LINGO2: variants seen among roughly 807,000 people sequenced by gnomAD.
LINGO2 encodes the protein leucine-rich repeat and immunoglobulin-like domain-containing nogo receptor-interacting protein 2.
LINGO2 carries 14 observed loss-of-function variants against 30.6 expected under a neutral mutation model. The observed-to-expected ratio is 0.46, with a 90% CI of 0.30 to 0.72. LINGO2 has a LOEUF of 0.72. Ranked by LOEUF, LINGO2 falls within the 30% of genes least tolerant of loss-of-function variation. The pLI, the probability that LINGO2 is intolerant of heterozygous loss-of-function variation, is 0.07. For synonymous variants in LINGO2, 317 were observed against 288.5 expected (o/e 1.10, Z -1.00); for missense variants, 729 against 751.7 (o/e 0.97, Z 0.35).
chr9:28,352,209 T>C lies in LINGO2; in HGVS notation c.-246+20627A>G, dbSNP rs1186272735. On this transcript the variant is annotated intron_variant, in intron 3 of 5. Coordinates refer to ENST00000379992, the Ensembl canonical transcript of LINGO2. ...TCAGTTAGGAAAAGAGGAAGTCAAA[T>C]TGTCCCTGTTTGCAGACGAAATGAT... 2.1e-4 allele frequency among the ~76,000 whole-genome samples: 32 copies of C among 152,132 alleles called. 1 individual carries two copies. In the East Asian group the frequency reaches 4.6e-3, roughly 22 times the overall value.
At chr9:28,983,003 C>A in the LINGO2 span, among the ~76,000 whole-genome samples, 12 of 151,524 alleles carry the variant, frequency 7.9e-5, no homozygotes, top group East Asian at 2.3e-3. Context: ...TTCTCGCCTA[C>A]TTTTTCCCAA....
At chr9:28,673,442 G>C (rs951774645), upstream of LINGO2, among the ~76,000 whole-genome samples, 2 of 152,102 alleles carry the variant, frequency 1.3e-5, no homozygotes, top group African/African-American at 4.8e-5. Context: ...CGAGGTGGGT[G>C]GATCACCTGA....
the LINGO2 span, among the ~76,000 whole-genome samples, chr9:28,765,204 A>T: frequency 1.3e-5 from 2 of 152,102 alleles, no homozygotes; most frequent in Admixed American, 6.5e-5. Context: ...TTGAGAAAGA[A>T]AAACAAAATA....
the LINGO2 span, among the ~76,000 whole-genome samples, chr9:29,146,383 A>G: frequency 6.6e-6 from 1 of 151,800 alleles, no homozygotes; most frequent in African/African-American, 2.4e-5. Flanking sequence ...ACAAAAAAAA[A>G]CCAGCTAAGA....
At chr9:28,714,527 G>A in the LINGO2 span, among the ~76,000 whole-genome samples, 1 of 152,002 alleles carries the variant, frequency 6.6e-6, no homozygotes, top group Admixed American at 6.6e-5. Flanking sequence ...TGTTGAAGAT[G>A]GCAGAGCCTT....
downstream of LINGO2, chr9:27,944,061 CTTAA>C (rs1446776815): frequency 2.0e-5 from 3 of 152,110 alleles, no homozygotes; most frequent in African/African-American, 7.2e-5. Context: ...TTACAAACAT[CTTAA>C]TTATGTATTT....
At chr9:28,321,664 C>T (rs887579980) in intron 3 of LINGO2, among the ~76,000 whole-genome samples, 1 of 152,156 alleles carries the variant, frequency 6.6e-6, no homozygotes, top group Non-Finnish European at 1.5e-5. Flanking sequence ...GAAACAGAGA[C>T]TATAGGACCT....
At chr9:28,571,439 A>G (rs1201348249) in intron 1 of LINGO2, among the ~76,000 whole-genome samples, 1 of 152,036 alleles carries the variant, frequency 6.6e-6, no homozygotes, top group Non-Finnish European at 1.5e-5. Flanking sequence ...CACACATAAT[A>G]ATTATCGTTA....
chr9:28,380,403 T>TTTCC (rs1554713845), intron 2 of LINGO2, among the ~76,000 whole-genome samples: 1 of 150,368 alleles, frequency 6.7e-6, no homozygotes, highest in African/African-American at 2.4e-5. Flanking sequence ...TTTTTTTTTT[T>TTTCC]CCAATGGTAA....
At chr9:28,869,433 C>T in the LINGO2 span, among the ~76,000 whole-genome samples, 1 of 151,790 alleles carries the variant, frequency 6.6e-6, no homozygotes, top group Non-Finnish European at 1.5e-5. Context: ...AGAGGATGAA[C>T]AAGGAGTGGG....
intron 3 of LINGO2, among the ~76,000 whole-genome samples, chr9:28,359,375 A>G (rs962713976): frequency 1.3e-5 from 2 of 152,078 alleles, no homozygotes; most frequent in Admixed American, 1.3e-4. Context: ...ATTAACATCA[A>G]TCTTCTTCAT....
the LINGO2 span, among the ~76,000 whole-genome samples, chr9:29,132,137 G>T: frequency 6.6e-6 from 1 of 151,852 alleles, no homozygotes; most frequent in East Asian, 1.9e-4. Context: ...CCACAAGTCA[G>T]CATGAAGCAG....
the LINGO2 span, among the ~76,000 whole-genome samples, chr9:28,779,244 G>A: frequency 1.3e-5 from 2 of 151,930 alleles, no homozygotes; most frequent in Non-Finnish European, 2.9e-5. Flanking sequence ...TATTATTATT[G>A]ACTAATATAC....
chr9:28,633,407 G>T (rs1377232925), intron 1 of LINGO2, among the ~76,000 whole-genome samples: 1 of 151,792 alleles, frequency 6.6e-6, no homozygotes, highest in Non-Finnish European at 1.5e-5. Flanking sequence ...AGATATATGT[G>T]GTGTGCTGAA....
At chr9:28,628,179 C>T (rs527549219) in intron 1 of LINGO2, among the ~76,000 whole-genome samples, 1 of 152,202 alleles carries the variant, frequency 6.6e-6, no homozygotes, top group African/African-American at 2.4e-5. Context: ...GATTTCAGTA[C>T]AATTCACAGC....
chr9:28,464,121 G>C (rs1472752266), intron 2 of LINGO2, among the ~76,000 whole-genome samples: 1 of 152,050 alleles, frequency 6.6e-6, no homozygotes, highest in African/African-American at 2.4e-5. Context: ...GTAGTCTATG[G>C]TATGAATTAT....
At chr9:29,167,067 A>T in the LINGO2 span, among the ~76,000 whole-genome samples, 7 of 152,126 alleles carry the variant, frequency 4.6e-5, no homozygotes, top group African/African-American at 1.7e-4. Context: ...TCCAAAATAT[A>T]CATTGTAAAC....
At chr9:28,873,739 G>C in the LINGO2 span, among the ~76,000 whole-genome samples, 1 of 152,050 alleles carries the variant, frequency 6.6e-6, no homozygotes, top group Non-Finnish European at 1.5e-5. Context: ...CTTCTCTTTT[G>C]ATGTTCTACA....
At chr9:29,129,846 G>A in the LINGO2 span, among the ~76,000 whole-genome samples, 1 of 152,052 alleles carries the variant, frequency 6.6e-6, no homozygotes, top group African/African-American at 2.4e-5. Context: ...ATATTGTATG[G>A]TTAATACTTA....
Sources: gnomAD v4.1 joint callset for allele counts (sites outside exome capture counted in the v4.1 genomes callset) on GRCh38, gnomAD v4.1.1 for gene constraint, MANE v1.5 for transcripts, NCBI Gene and HGNC (gene_info 2026-07-23, HGNC 2026-07-21) for gene names.